A2M: variants seen among roughly 807,000 people sequenced by gnomAD.
A2M encodes C3 and PZP-like alpha-2-macroglobulin domain-containing protein 5.
A neutral mutation model predicts 183.9 loss-of-function variants in A2M; 128 were observed. That is an observed-to-expected ratio of 0.70 (90% CI 0.60 to 0.81). The LOEUF is 0.81. Ranked by LOEUF, A2M falls within the 30% of genes least tolerant of loss-of-function variation. The pLI, the probability that A2M is intolerant of heterozygous loss-of-function variation, is 0.00. For synonymous variants in A2M, 592 were observed against 670.8 expected, an observed-to-expected ratio of 0.88 and a Z score of 1.81; for missense variants, 1,495 against 1,787.6, an observed-to-expected ratio of 0.84 and a Z score of 2.95.
At chr12:9,073,185 T>C (rs1948633644) in intron 29 of A2M, among the ~76,000 whole-genome samples, 1 of 152,192 alleles carries the variant, frequency 6.6e-6, no homozygotes, top group African/African-American at 2.4e-5. Context: ...TGGCATCAGC[T>C]ATTTGCTAAC....
chr12:9,076,961 A>G (rs1444418180), intron 27 of A2M, 25 bp from the exon 28 acceptor site: 1 of 1,540,866 alleles, frequency 6.5e-7, no homozygotes, highest in Non-Finnish European at 8.7e-7. Context: ...CAAGAAGGGA[A>G]CTAAGCTATG....
chr12:9,102,057 G>A (rs1937897533), intron 11 of A2M, among the ~76,000 whole-genome samples: 1 of 152,142 alleles, frequency 6.6e-6, no homozygotes. Flanking sequence ...TCAGAAAGCA[G>A]CTGCCTCTTT....
At chr12:9,115,969 G>C (rs1269872419), upstream of A2M, 15 of 810,182 alleles carry the variant, frequency 1.9e-5, no homozygotes, top group Non-Finnish European at 2.8e-5. Flanking sequence ...GTGCAAACAG[G>C]AAGTTCCACC....
intron 19 of A2M, 40 bp from the exon 20 acceptor site, chr12:9,090,522 G>A: frequency 1.2e-6 from 2 of 1,602,488 alleles, no homozygotes; most frequent in South Asian, 1.1e-5. Flanking sequence ...GAGGGAAGGA[G>A]AACAGAGGGA....
At chr12:9,068,082 T>C in intron 35 of A2M, 101 bp downstream of exon 35, 1 of 1,341,112 alleles carries the variant, frequency 7.5e-7, no homozygotes. Flanking sequence ...AGTAATTTGA[T>C]GTTTTTGACA....
chr12:9,068,902 GT>G, intron 33 of A2M, 60 bp from the exon 34 acceptor site: 1 of 1,248,290 alleles, frequency 8.0e-7, no homozygotes, highest in Non-Finnish European at 1.1e-6. Flanking sequence ...CTTTGAATTA[GT>G]TTAAGTATTC....
intron 33 of A2M, chr12:9,069,185 C>G: frequency 6.1e-6 from 1 of 162,986 alleles, no homozygotes; most frequent in Admixed American, 6.6e-5. Context: ...GGAATACTTG[C>G]GTAGACTCAA....
chr12:9,074,905 G>A, intron 28 of A2M, 122 bp from the exon 29 acceptor site: 1 of 1,033,910 alleles, frequency 9.7e-7, no homozygotes, highest in Admixed American at 2.7e-5. Context: ...TGTACTGTAT[G>A]TAGATGCTTT....
At chr12:9,069,184 G>C (rs1258376908) in intron 33 of A2M, 1 of 166,810 alleles carries the variant, frequency 6.0e-6, no homozygotes, top group Non-Finnish European at 1.2e-5. Context: ...AGGAATACTT[G>C]CGTAGACTCA....
chr12:9,112,639 C>A, intron 2 of A2M, 103 bp from the exon 3 acceptor site: 3 of 1,268,142 alleles, frequency 2.4e-6, no homozygotes, highest in South Asian at 2.7e-5. Context: ...TCTTACTTAA[C>A]TTCACTCCCT....
intron 1 of A2M, 103 bp from the exon 2 acceptor site, chr12:9,113,646 C>G (rs1938916136): frequency 1.7e-6 from 2 of 1,161,936 alleles, no homozygotes; most frequent in African/African-American, 1.5e-5. Flanking sequence ...AGTTCTACAC[C>G]AAGAGAAGAT....
chr12:9,093,321 A>G (rs1949266930), intron 18 of A2M, 144 bp downstream of exon 18: 1 of 584,346 alleles, frequency 1.7e-6, no homozygotes, highest in African/African-American at 1.9e-5. Flanking sequence ...TCATTTCACT[A>G]TGTGTATGTG....
Position 9,115,812 on chromosome 12 carries a change from A to G in A2M, c.38T>C (p.Leu13Pro). The G allele has an allele frequency of 6.2e-7, 1 of 1,613,566 alleles. No homozygotes were observed. The stretch of plus-strand genomic sequence containing the variant: ...TGTGGGCAGGAGGACCAAGAGGAGA[A>G]GAACCAGACTTGGATGAAGGAGTTT... The part of the protein sequence containing the change: ...KNKLLHPSLV[L>P]LLLVLLPTDA... Residue 13 changes from leucine (L) to proline (P), a missense_variant, in exon 1 of 36, where the codon CTT becomes CCT. By Grantham distance (98) the Leu-to-Pro change is moderately conservative (BLOSUM62 -3). Coordinates refer to ENST00000318602, the MANE Select transcript of A2M (RefSeq NM_000014.6).
At chr12:9,115,263 C>G (rs1040878742) in intron 1 of A2M, 1 of 154,048 alleles carries the variant, frequency 6.5e-6, no homozygotes, top group Non-Finnish European at 1.4e-5. Context: ...ACCACCTCAT[C>G]TGCAAAAGGA....
chr12:9,089,592 C>G (rs1219909093), intron 21 of A2M, among the ~76,000 whole-genome samples: 1 of 151,750 alleles, frequency 6.6e-6, no homozygotes, highest in East Asian at 1.9e-4. Flanking sequence ...AATACAAAAA[C>G]TAGCTGGGCG....
At position 9,110,203 on chromosome 12, in the gene A2M, G is replaced by A. The variant is rs141028314; in HGVS notation, c.504+111C>T. 58 of 1,137,616 alleles carry A rather than the reference G, an allele frequency of 5.1e-5. No homozygotes were observed. In the African/African-American group the frequency reaches 8.3e-4, roughly 16 times the overall value. The allele number at this position is 1,137,616 out of a possible 1,614,324, so 70.5% of individuals were successfully genotyped here. A position where few individuals can be genotyped will look rare whatever the true frequency, so the allele number is the denominator to read the frequency against. On this transcript the variant is annotated intron_variant, in intron 5 of 35. Coordinates refer to ENST00000318602, the MANE Select transcript of A2M (RefSeq NM_000014.6). ...CATCTAGCTCTATGGGAGTTTGAAG[G>A]CTTCTCCTTTAATGACAAGTTTCTG...
intron 15 of A2M, chr12:9,098,383 TC>T (rs1374198716): frequency 2.3e-5 from 6 of 259,156 alleles, no homozygotes; most frequent in African/African-American, 9.0e-5. Context: ...TTTATTTGAT[TC>T]AATATATTGT....
intron 22 of A2M, among the ~76,000 whole-genome samples, chr12:9,083,258 G>A (rs1434264399): frequency 6.6e-6 from 1 of 152,058 alleles, no homozygotes; most frequent in African/African-American, 2.4e-5. Context: ...GGGGATGGGG[G>A]AGGGATAGCA....
At chr12:9,078,139 T>C (rs1335262891) in intron 25 of A2M, among the ~76,000 whole-genome samples, 1 of 152,182 alleles carries the variant, frequency 6.6e-6, no homozygotes, top group East Asian at 1.9e-4. Context: ...AGTATACGTG[T>C]GCCATGGTGG....
Sources: allele counts gnomAD v4.1 joint callset (sites outside exome capture counted in the v4.1 genomes callset), GRCh38; gene constraint gnomAD v4.1.1; transcripts MANE v1.5; gene names NCBI Gene and HGNC (gene_info 2026-07-23, HGNC 2026-07-21).